PRSS12: variants seen among roughly 807,000 people sequenced by gnomAD.
PRSS12 encodes neurotrypsin.
Under a neutral mutation model 104.4 loss-of-function variants are expected in PRSS12, and 85 were observed. That is an observed-to-expected ratio of 0.81 (90% CI 0.68 to 0.98). The LOEUF is 0.98. Among genes scored for constraint, PRSS12 ranks in the 50% least tolerant of loss-of-function variants. The pLI, the probability that PRSS12 is intolerant of heterozygous loss-of-function variation, is 0.00. For synonymous variants in PRSS12, 454 were observed against 425.2 expected (o/e 1.07, Z -0.83); for missense variants, 1,141 against 1,139.2 (o/e 1.00, Z -0.02).
intron 6 of PRSS12, among the ~76,000 whole-genome samples, chr4:118,314,228 T>C (rs766802246): frequency 5.9e-5 from 9 of 152,124 alleles, no homozygotes; most frequent in African/African-American, 1.7e-4. Context: ...CTTACTCATA[T>C]AATAATTCCC....
chr4:118,337,594 C>T (rs933322316), intron 2 of PRSS12, among the ~76,000 whole-genome samples: 1 of 152,090 alleles, frequency 6.6e-6, no homozygotes, highest in African/African-American at 2.4e-5. Flanking sequence ...CAGAAGCTGC[C>T]ATCTTCCACA....
chr4:118,308,423 A>C lies in PRSS12; in HGVS notation c.1631+13T>G. 6.2e-7 allele frequency: 1 copy of C among 1,613,948 alleles called. No individual in the cohort carries two copies. Among genetic ancestry groups the C allele is most frequent in the South Asian group, 1.1e-5 (1 of 91,082 alleles). ...TCATCAGTAACCATCCCAAATAATT[A>C]GGTTTTCCTTACTTGTAGCCAAGCT... On this transcript the variant is annotated intron_variant, in intron 8 of 12. Transcript: ENST00000296498.
chr4:118,281,826 A>G lies in PRSS12; in HGVS notation c.*110T>C. ...GGGGTACACAATTTTTTACCACAAC[A>G]CAAAGCAAAAACAGATCTTGCCATT... is the stretch of plus-strand genomic sequence containing the variant. On this transcript the variant is annotated 3_prime_UTR_variant, in exon 13 of 13. Coordinates refer to ENST00000296498, the MANE Select transcript of PRSS12 (RefSeq NM_003619.4). 1.3e-6 allele frequency: 1 copy of G among 755,418 alleles called. No homozygotes were observed. Among genetic ancestry groups the G allele is most frequent in the South Asian group, 1.4e-5 (1 of 71,050 alleles). 46.8% of individuals were successfully genotyped at this position (755,418 alleles called of 1,614,324 possible). A position where few individuals can be genotyped will look rare whatever the true frequency, so the allele number is the denominator to read the frequency against.
intron 1 of PRSS12, among the ~76,000 whole-genome samples, chr4:118,343,675 G>A (rs1724273713): frequency 6.6e-6 from 1 of 152,164 alleles, no homozygotes; most frequent in Non-Finnish European, 1.5e-5. Context: ...ATGATCGCTT[G>A]AGCCCAAGCA....
chr4:118,329,931 G>A (rs890522655), intron 4 of PRSS12, among the ~76,000 whole-genome samples: 5 of 152,254 alleles, frequency 3.3e-5, no homozygotes, highest in Admixed American at 6.5e-5. Flanking sequence ...AAAATTGCTC[G>A]TGAAATTGAT....
chr4:118,318,708 A>G (rs1342378331), intron 4 of PRSS12, 152 bp from the exon 5 acceptor site: 3 of 863,800 alleles, frequency 3.5e-6, no homozygotes, highest in East Asian at 2.7e-5. Context: ...TCTTTTTTGT[A>G]TATTTGTTTG....
intron 11 of PRSS12, among the ~76,000 whole-genome samples, chr4:118,287,223 C>T (rs747303968): frequency 7.2e-5 from 11 of 152,166 alleles, no homozygotes; most frequent in Admixed American, 2.0e-4. Context: ...CGGCTTACTG[C>T]GAGCCTTGAT....
rs768700323 is a variant in PRSS12 at position 118,295,005 on chromosome 4, C to T, written c.1973G>A (p.Arg658Lys). 3.7e-6 allele frequency: 6 copies of T among 1,614,024 alleles called. No homozygotes were observed. The highest frequency in any genetic ancestry group is 1.1e-5 in the South Asian group (1 of 91,088). Reference sequence around the variant, plus strand: ...CAGGAGCGTAGCCCCGCAGAGGAGCCTGCCATCTCCATGGGATGACTTCAG... The same window carrying T: ...CAGGAGCGTAGCCCCGCAGAGGAGCTTGCCATCTCCATGGGATGACTTCAG... ...LRLKSSHGDGRLLCGATLLSS... is the reference protein window; with the variant it reads ...LRLKSSHGDGKLLCGATLLSS... The change falls in exon 11 of 13, where the codon AGG becomes AAG. Residue 658 changes from arginine (R) to lysine (K), a missense_variant. Coordinates refer to ENST00000296498, the MANE Select transcript of PRSS12 (RefSeq NM_003619.4).
rs540340277 is a variant in PRSS12 at position 118,318,572 on chromosome 4, A to G, written c.972-16T>C. 48 of 1,612,280 alleles carry G rather than the reference A, an allele frequency of 3.0e-5. 1 individual carries two copies. In the South Asian group the frequency reaches 4.7e-4, roughly 16 times the overall value. On this transcript the variant is annotated splice_polypyrimidine_tract_variant and intron_variant, in intron 4 of 12. Transcript: ENST00000296498. ...GGCAATGCCACTGAACAAATAAAAG[A>G]ATGTAAGGATTCTGGATTAGATACC...
intron 8 of PRSS12, among the ~76,000 whole-genome samples, chr4:118,305,269 T>C (rs1015398431): frequency 7.2e-5 from 11 of 151,924 alleles, no homozygotes; most frequent in Non-Finnish European, 8.8e-5. Context: ...TACTATTTGA[T>C]GGCAAATTGC....
chr4:118,304,110 TTC>T (rs2126030728), intron 8 of PRSS12, among the ~76,000 whole-genome samples: 1 of 152,056 alleles, frequency 6.6e-6, no homozygotes, highest in Non-Finnish European at 1.5e-5. Flanking sequence ...TTAGCATAAT[TTC>T]TCTCTCTCCA....
intron 4 of PRSS12, among the ~76,000 whole-genome samples, chr4:118,318,830 G>A (rs1686365090): frequency 6.6e-6 from 1 of 152,036 alleles, no homozygotes; most frequent in Non-Finnish European, 1.5e-5. Flanking sequence ...GAGGACAATG[G>A]CTATCCAAAA....
rs1461491271 is a variant in PRSS12, at chr4:118,318,438, A to G, written c.1090T>C (p.Trp364Arg). 2 of 1,614,124 alleles carry G rather than the reference A, an allele frequency of 1.2e-6. No homozygotes were observed. The highest frequency in any genetic ancestry group is 2.7e-5 in the African/African-American group (2 of 75,048). ...TTATGGCCACAGTTATGCTCTCCCCAGGAGCTCTTTGGACACTGCTCAATT... is the reference window on the plus strand; with the variant it reads ...TTATGGCCACAGTTATGCTCTCCCCGGGAGCTCTTTGGACACTGCTCAATT... ...LSIEQCPKSS[W>R]GEHNCGHKED... The change falls in exon 5 of 13, where the codon TGG (tryptophan) becomes CGG (arginine). Residue 364 changes from tryptophan (W) to arginine (R), a missense_variant. Trp to Arg is a moderately radical substitution (Grantham distance 101, BLOSUM62 -3). Transcript: ENST00000296498.
chr4:118,299,765 T>TAAATAAAATAAAATA (rs1258442709), intron 8 of PRSS12, among the ~76,000 whole-genome samples: 43 of 77,332 alleles, frequency 5.6e-4, no homozygotes, highest in East Asian at 3.3e-3. Context: ...TAAATAAAAT[T>TAAATAAAATAAAATA]AAATAAAATA....
At chr4:118,309,063 A>C (rs956779846) in intron 7 of PRSS12, among the ~76,000 whole-genome samples, 1 of 152,040 alleles carries the variant, frequency 6.6e-6, no homozygotes, top group Non-Finnish European at 1.5e-5. Flanking sequence ...ACTTGATTCA[A>C]GTCTAATGCT....
intron 8 of PRSS12, among the ~76,000 whole-genome samples, chr4:118,307,066 AT>A (rs959064863): frequency 1.3e-5 from 2 of 151,630 alleles, no homozygotes; most frequent in East Asian, 1.9e-4. Context: ...AACAAGAATA[AT>A]TTTTTTTTCA....
At chr4:118,333,866 A>T (rs1330085381) in intron 3 of PRSS12, among the ~76,000 whole-genome samples, 1 of 152,190 alleles carries the variant, frequency 6.6e-6, no homozygotes, top group East Asian at 1.9e-4. Flanking sequence ...CTTCCAACAA[A>T]CACAAAACTC....
chr4:118,328,047 T>C lies in PRSS12; in HGVS notation c.971+3669A>G, dbSNP rs150944395. ...GAGATGAAATTTGCTTAAGAATGAA[T>C]CATAAATTGAGACAAGCAACAATTA... On this transcript the variant is annotated intron_variant, in intron 4 of 12. Transcript: ENST00000296498. Among the ~76,000 whole-genome samples, 22 of 152,280 alleles carry C rather than the reference T, an allele frequency of 1.4e-4. No individual in the cohort carries two copies. In the East Asian group the frequency reaches 3.5e-3, roughly 24 times the overall value.
intron 1 of PRSS12, among the ~76,000 whole-genome samples, chr4:118,342,072 C>T (rs1202646180): frequency 1.3e-5 from 2 of 152,126 alleles, no homozygotes; most frequent in Admixed American, 6.5e-5. Context: ...GACGCAAATC[C>T]TCCAGTAGAA....
Sources: gnomAD v4.1 joint callset for allele counts (sites outside exome capture counted in the v4.1 genomes callset) on GRCh38, gnomAD v4.1.1 for gene constraint, MANE v1.5 for transcripts, NCBI Gene and HGNC (gene_info 2026-07-23, HGNC 2026-07-21) for gene names.